Variants in ZNF469 observed in about 807,000 individuals in gnomAD.
ZNF469 encodes zinc finger protein 469.
ZNF469 carries 1 observed loss-of-function variant against 1.0 expected under a neutral mutation model. The ratio of observed to expected loss-of-function variants is 1.00; its 90% CI spans 0.35 to 4.73. The LOEUF (loss-of-function observed/expected upper bound fraction) is 4.73. Among genes scored for constraint, ZNF469 ranks in the 30% most tolerant of loss-of-function variants. ZNF469 has a pLI of 0.16. For synonymous variants in ZNF469, 2,703 were observed against 2,363.4 expected (o/e 1.14, Z -4.17); for missense variants, 6,100 against 5,356.3 (o/e 1.14, Z -4.33).
chr16:88,411,049 GGAT>G (rs1263345132), intron 1 of ZNF469, among the ~76,000 whole-genome samples: 1 of 152,180 alleles, frequency 6.6e-6, no homozygotes, highest in Non-Finnish European at 1.5e-5. Flanking sequence ...ACCTGTCTTT[GGAT>G]GTAGAGCCCC....
chr16:88,351,249 G>T, the ZNF469 span, among the ~76,000 whole-genome samples: 2 of 152,238 alleles, frequency 1.3e-5, no homozygotes, highest in African/African-American at 4.8e-5. Flanking sequence ...CTGGTCCCGG[G>T]TGCCCAGCTG....
chr16:88,177,900 G>T, the ZNF469 span: 3 of 152,142 alleles, frequency 2.0e-5, no homozygotes, highest in Admixed American at 2.0e-4. The surrounding 1 kb of genome is among the most constrained non-coding windows in gnomAD (Gnocchi z 4.8). Flanking sequence ...TAATAGAGAC[G>T]GGATTTCACC....
At chr16:88,265,353 C>G in the ZNF469 span, among the ~76,000 whole-genome samples, 12 of 152,302 alleles carry the variant, frequency 7.9e-5, no homozygotes, top group South Asian at 2.5e-3. Flanking sequence ...TAGCACCACT[C>G]GCAGGCAGAA....
rs1359458585 is a variant in ZNF469, at chr16:88,424,340, A to G, written c.-191-467A>G. 6.6e-6 allele frequency among the ~76,000 whole-genome samples: 1 copy of G among 152,226 alleles called. No homozygotes were observed. Among genetic ancestry groups the G allele is most frequent in the Admixed American group, 6.5e-5 (1 of 15,284 alleles). On this transcript the variant is annotated intron_variant, in intron 1 of 2. Transcript: ENST00000565624. This position sits in a 1 kb window ranked among gnomAD's most constrained non-coding sequence, Gnocchi z 4.3. ...TTCTGTTGAAGGAAGGAGGAAAGGC[A>G]GTGTGTGTTCCTGTGTGCTGGTGTT...
chr16:88,120,389 C>T, the ZNF469 span, among the ~76,000 whole-genome samples: 3 of 152,260 alleles, frequency 2.0e-5, no homozygotes, highest in African/African-American at 7.2e-5. Context: ...TGCTCATTTC[C>T]CGGAGTGATG....
chr16:88,111,359 C>T, the ZNF469 span, among the ~76,000 whole-genome samples: 931 of 152,254 alleles, frequency 6.1e-3, 27 homozygotes, highest in East Asian at 0.058. Flanking sequence ...AGAATGGGGT[C>T]TCCATCCCCT....
intron 1 of ZNF469, among the ~76,000 whole-genome samples, chr16:88,410,263 C>G (rs1250188493): frequency 1.4e-5 from 2 of 146,608 alleles, no homozygotes; most frequent in Admixed American, 6.7e-5. Context: ...GCAGGTCACA[C>G]AGTTCACGGT....
chr16:88,296,619 C>A, the ZNF469 span, among the ~76,000 whole-genome samples: 2 of 152,040 alleles, frequency 1.3e-5, no homozygotes, highest in African/African-American at 2.4e-5. Context: ...CATGCTCACA[C>A]TCATGCACAC....
chr16:88,433,948 C>T lies in ZNF469; in HGVS notation c.6478C>T (p.Pro2160Ser). The T allele has an allele frequency of 6.5e-7, 1 of 1,550,214 alleles. No individual in the cohort carries two copies. Among genetic ancestry groups the T allele is most frequent in the South Asian group, 1.2e-5 (1 of 84,060 alleles). Residue 2160 changes from proline (P) to serine (S), a missense_variant, in exon 3 of 3, where the codon CCC becomes TCC. Pro to Ser is a moderately conservative substitution (Grantham distance 74). Coordinates refer to ENST00000565624, the MANE Select transcript of ZNF469 (RefSeq NM_001367624.2). The stretch of plus-strand genomic sequence containing the variant: ...AGCATCTCCGTCCTGCAGGGACCCT[C>T]CCGGCCCCCAGCAGCTGCTGGCCTG... ...LPASPSCRDP[P>S]GPQQLLACSP...
At chr16:88,201,863 T>A in the ZNF469 span, among the ~76,000 whole-genome samples, 1 of 152,312 alleles carries the variant, frequency 6.6e-6, no homozygotes, top group South Asian at 2.1e-4. The surrounding 1 kb of genome is among the most constrained non-coding windows in gnomAD (Gnocchi z 5.0). Context: ...CTGAACCCTA[T>A]CATTTGTGTG....
At chr16:88,138,722 C>T in the ZNF469 span, among the ~76,000 whole-genome samples, 1 of 152,198 alleles carries the variant, frequency 6.6e-6, no homozygotes, top group South Asian at 2.1e-4. Context: ...ACATAAAAAG[C>T]AGCCTTCTTA....
At chr16:88,121,435 C>A in the ZNF469 span, among the ~76,000 whole-genome samples, 1 of 152,172 alleles carries the variant, frequency 6.6e-6, no homozygotes, top group African/African-American at 2.4e-5. Flanking sequence ...CGATTCTGGC[C>A]ATCGGAGGGG....
rs770376107 is a variant in ZNF469, at chr16:88,431,426, C to T, written c.3956C>T (p.Pro1319Leu). 36 of 1,550,230 alleles carry T rather than the reference C, an allele frequency of 2.3e-5. No homozygotes were observed. The highest frequency in any genetic ancestry group is 2.0e-5 in the Admixed American group (1 of 50,996). ...QAPVSHNSKD[P>L]PARQPGEFLA... ...CCAGTCTCCCACAACAGCAAGGACCCCCCTGCCCGCCAGCCTGGAGAATTT... is the reference window on the plus strand; with the variant it reads ...CCAGTCTCCCACAACAGCAAGGACCTCCCTGCCCGCCAGCCTGGAGAATTT... Residue 1319 changes from proline to leucine, a missense_variant, in exon 3 of 3, where the codon CCC (proline) becomes CTC (leucine). By Grantham distance (98) the Pro-to-Leu change is moderately conservative. Coordinates refer to ENST00000565624, the MANE Select transcript of ZNF469 (RefSeq NM_001367624.2).
At chr16:88,347,427 C>T in the ZNF469 span, among the ~76,000 whole-genome samples, 41 of 152,124 alleles carry the variant, frequency 2.7e-4, 1 homozygote, top group African/African-American at 4.8e-5. Flanking sequence ...CCCAGAGAGA[C>T]GGTCACACGT....
chr16:88,241,055 C>A, the ZNF469 span, among the ~76,000 whole-genome samples: 1 of 152,154 alleles, frequency 6.6e-6, no homozygotes, highest in Non-Finnish European at 1.5e-5. This position sits in a 1 kb window ranked among gnomAD's most constrained non-coding sequence, Gnocchi z 4.8. Context: ...TGCTTGGTCA[C>A]GGAGCAGCAT....
chr16:88,317,439 T>C, the ZNF469 span, among the ~76,000 whole-genome samples: 1 of 152,202 alleles, frequency 6.6e-6, no homozygotes, highest in Non-Finnish European at 1.5e-5. Context: ...CCTCGGAACC[T>C]GGCTGGTGAA....
chr16:88,368,995 C>T, the ZNF469 span, among the ~76,000 whole-genome samples: 1 of 152,028 alleles, frequency 6.6e-6, no homozygotes, highest in Admixed American at 6.6e-5. Flanking sequence ...AGGAAAATTG[C>T]TCGAACCCAG....
At chr16:88,154,423 C>G in the ZNF469 span, among the ~76,000 whole-genome samples, 1 of 152,240 alleles carries the variant, frequency 6.6e-6, no homozygotes, top group African/African-American at 2.4e-5. Flanking sequence ...ACTTTGGCCT[C>G]CCAAAGTGCT....
At chr16:88,279,564 G>A in the ZNF469 span, among the ~76,000 whole-genome samples, 2 of 138,926 alleles carry the variant, frequency 1.4e-5, no homozygotes, top group African/African-American at 5.8e-5. Context: ...CACGGTTAGT[G>A]CTGCACCACA....
Sources: gnomAD v4.1 joint callset for allele counts (sites outside exome capture counted in the v4.1 genomes callset) on GRCh38, gnomAD v4.1.1 for gene constraint, Gnocchi (gnomAD v3.1) non-coding constraint, MANE v1.5 for transcripts, NCBI Gene and HGNC (gene_info 2026-07-23, HGNC 2026-07-21) for gene names.